The following PSMD1 variants were observed in gnomAD, a reference collection of about 807,000 sequenced individuals.
The protein encoded by PSMD1 is proteasome 26S subunit, non-ATPase 1, also known as 26S proteasome non-ATPase regulatory subunit 1.
PSMD1 carries 18 observed loss-of-function variants against 119.0 expected under a neutral mutation model. The ratio of observed to expected loss-of-function variants is 0.15; its 90% CI spans 0.10 to 0.22. PSMD1 has a LOEUF of 0.22. Ranked by LOEUF, PSMD1 falls within the 10% of genes least tolerant of loss-of-function variation. The pLI is 1.00. For synonymous variants in PSMD1, 374 were observed against 396.6 expected, an observed-to-expected ratio of 0.94 and a Z score of 0.68; for missense variants, 702 against 1,158.5, an observed-to-expected ratio of 0.61 and a Z score of 5.72.
intron 16 of PSMD1, among the ~76,000 whole-genome samples, chr2:231,121,744 A>G (rs1026131322): frequency 3.9e-5 from 6 of 152,198 alleles, no homozygotes; most frequent in Non-Finnish European, 8.8e-5. Flanking sequence ...CTTTGCATAT[A>G]ATAGATGTTT....
chr2:231,125,155 T>TA (rs1162522651), intron 16 of PSMD1: 1 of 152,234 alleles, frequency 6.6e-6, no homozygotes, highest in Non-Finnish European at 1.5e-5. Context: ...TCCTCTTTGA[T>TA]ACATTCATTT....
chr2:231,166,926 A>C (rs1480918706), intron 23 of PSMD1, among the ~76,000 whole-genome samples: 1 of 152,210 alleles, frequency 6.6e-6, no homozygotes, highest in Admixed American at 6.5e-5. Context: ...TTAGAGCTGG[A>C]ATTTGGCATA....
chr2:231,131,371 A>G (rs1695848973), intron 16 of PSMD1, among the ~76,000 whole-genome samples: 1 of 152,224 alleles, frequency 6.6e-6, no homozygotes, highest in Non-Finnish European at 1.5e-5. Flanking sequence ...TGTTCCTTTA[A>G]AAGTTTATAT....
chr2:231,128,847 A>T (rs773338750), intron 16 of PSMD1, among the ~76,000 whole-genome samples: 2 of 152,188 alleles, frequency 1.3e-5, no homozygotes, highest in African/African-American at 4.8e-5. Flanking sequence ...AGCCCTCCCC[A>T]GGTTAAGTTT....
chr2:231,109,406 A>T (rs748785595), intron 16 of PSMD1: 1 of 1,613,544 alleles, frequency 6.2e-7, no homozygotes, highest in Non-Finnish European at 8.5e-7. Flanking sequence ...TGGAATGGCA[A>T]TGCCTAAGGA....
chr2:231,114,038 T>C, intron 16 of PSMD1: 3 of 818,072 alleles, frequency 3.7e-6, no homozygotes, highest in Non-Finnish European at 6.2e-6. Context: ...TCATCTGAAA[T>C]TTTATAACTT....
intron 16 of PSMD1, among the ~76,000 whole-genome samples, chr2:231,105,020 T>A (rs766429629): frequency 7.9e-5 from 12 of 152,196 alleles, no homozygotes; most frequent in Non-Finnish European, 1.5e-4. Context: ...AGTATACTTA[T>A]TGGATATGAA....
chr2:231,062,937 A>T (rs1443014298), intron 4 of PSMD1, among the ~76,000 whole-genome samples: 1 of 152,162 alleles, frequency 6.6e-6, no homozygotes, highest in Non-Finnish European at 1.5e-5. Flanking sequence ...ATGAGTAACA[A>T]GTGGTACCAG....
chr2:231,091,195 G>C (rs114303975), intron 16 of PSMD1, among the ~76,000 whole-genome samples: 2,457 of 152,262 alleles, frequency 0.016, 35 homozygotes, highest in Non-Finnish European at 0.022. Context: ...CAATTTGTGG[G>C]TAATTAACAT....
intron 16 of PSMD1, among the ~76,000 whole-genome samples, chr2:231,092,049 T>G (rs1367139617): frequency 2.6e-5 from 4 of 152,212 alleles, no homozygotes; most frequent in Non-Finnish European, 5.9e-5. Context: ...CAAAGGTAGC[T>G]GTTTTTACAG....
chr2:231,150,061 A>G (rs1461522484), intron 18 of PSMD1, among the ~76,000 whole-genome samples: 4 of 152,178 alleles, frequency 2.6e-5, no homozygotes, highest in East Asian at 3.9e-4. Context: ...AAAAAATTAT[A>G]TAGGCCAGGC....
At chr2:231,108,974 A>G in intron 16 of PSMD1, 1 of 1,614,192 alleles carries the variant, frequency 6.2e-7, no homozygotes. Flanking sequence ...AAAGAGGAAA[A>G]ACACAATCCC....
chr2:231,114,006 C>G, intron 16 of PSMD1: 2 of 1,152,116 alleles, frequency 1.7e-6, no homozygotes, highest in Admixed American at 1.9e-5. Context: ...TCAGGTGATA[C>G]ATCTTTTGTC....
At chr2:231,153,301 G>A (rs935962930) in intron 18 of PSMD1, among the ~76,000 whole-genome samples, 2 of 152,092 alleles carry the variant, frequency 1.3e-5, no homozygotes, top group Admixed American at 6.5e-5. Context: ...GTATGAAATC[G>A]CATTCAACAT....
Position 231,066,292 on chromosome 2 carries a change from A to G in PSMD1, c.305-614A>G, listed in dbSNP as rs1255096621. Reference sequence around the variant, plus strand: ...GTGGCACATTTCAAGTCATTTCCCCATTACCCTACAGAGACAATTTAGACA... The same window carrying G: ...GTGGCACATTTCAAGTCATTTCCCCGTTACCCTACAGAGACAATTTAGACA... On this transcript the variant is annotated intron_variant, in intron 4 of 24. Transcript: ENST00000308696. Among the ~76,000 whole-genome samples, 6 of 152,242 alleles carry G rather than the reference A, an allele frequency of 3.9e-5. No individual in the cohort carries two copies. In the South Asian group the frequency reaches 8.3e-4, roughly 21 times the overall value.
intron 16 of PSMD1, among the ~76,000 whole-genome samples, chr2:231,106,635 A>G (rs1297098054): frequency 6.6e-6 from 1 of 152,146 alleles, no homozygotes; most frequent in Non-Finnish European, 1.5e-5. Context: ...GAAAAAAAAA[A>G]TTGTAAGCAA....
At chr2:231,125,938 G>A (rs911406266) in intron 16 of PSMD1, among the ~76,000 whole-genome samples, 1 of 152,110 alleles carries the variant, frequency 6.6e-6, no homozygotes, top group African/African-American at 2.4e-5. Flanking sequence ...AAAATACTTA[G>A]TTCATTTTAG....
intron 18 of PSMD1, among the ~76,000 whole-genome samples, chr2:231,150,224 G>A (rs1027478869): frequency 2.0e-5 from 3 of 152,008 alleles, no homozygotes; most frequent in African/African-American, 4.8e-5. Flanking sequence ...GCAGGCGCCT[G>A]TAGTTCCAGC....
chr2:231,159,049 T>C (rs1696574115), intron 19 of PSMD1, among the ~76,000 whole-genome samples: 1 of 152,186 alleles, frequency 6.6e-6, no homozygotes. Flanking sequence ...CTGCTTGGTT[T>C]AGTCAAGTCA....
Sources: allele counts gnomAD v4.1 joint callset (sites outside exome capture counted in the v4.1 genomes callset), GRCh38; gene constraint gnomAD v4.1.1; transcripts MANE v1.5; gene names NCBI Gene and HGNC (gene_info 2026-07-23, HGNC 2026-07-21).